Variants in TRAPPC4 observed in about 807,000 individuals in gnomAD.
The protein encoded by TRAPPC4 is trafficking protein particle complex subunit 4, also known as TRS23 homolog.
A neutral mutation model predicts 23.5 loss-of-function variants in TRAPPC4; 30 were observed. That is an observed-to-expected ratio of 1.28 (90% CI 0.96 to 1.73). The LOEUF (loss-of-function observed/expected upper bound fraction) is 1.73, where lower values mean the gene tolerates loss of function less well. TRAPPC4 is among the 40% of genes most tolerant of loss of function. The probability of loss-of-function intolerance (pLI) is 0.00; values close to 1 mark genes in which losing one functional copy is unlikely to be tolerated. For missense variants in TRAPPC4, 252 were observed against 268.9 expected (o/e 0.94, Z 0.44); for synonymous variants, 129 against 105.3 (o/e 1.23, Z -1.38).
intron 1 of TRAPPC4, 77 bp from the exon 2 acceptor site, chr11:119,019,066 G>A: frequency 1.3e-6 from 2 of 1,590,000 alleles, no homozygotes; most frequent in East Asian, 2.2e-5. Flanking sequence ...GGGGAAAAGG[G>A]GTTGTGTCGG....
At position 119,023,879 on chromosome 11, in the gene TRAPPC4, CAGT is replaced by C. The variant is rs1326554003; in HGVS notation, c.*481_*483del. 6.5e-6 allele frequency: 1 copy of C among 154,874 alleles called. No individual in the cohort carries two copies. The highest frequency in any genetic ancestry group is 1.4e-5 in the Non-Finnish European group (1 of 69,652). 9.6% of individuals were successfully genotyped at this position (154,874 alleles called of 1,614,324 possible). A position where few individuals can be genotyped will look rare whatever the true frequency, so the allele number is the denominator to read the frequency against. On this transcript the variant is annotated 3_prime_UTR_variant, in exon 5 of 5. Transcript: ENST00000533632. ...TCCTGGGGTCCTGGGGTGGTGGCAG[CAGT>C]GGTGGTGGCTGTTATGATGATGATG...
At position 119,018,789 on chromosome 11, in the gene TRAPPC4, G is replaced by A. The variant is rs781932363; in HGVS notation, c.-7G>A. ...CTGAATACCAGTTTCCGAGCGGCAA[G>A]GCAGCGATGGCGATTTTTAGTGTGT... On this transcript the variant is annotated 5_prime_UTR_variant, in exon 1 of 5. Transcript: ENST00000533632. The A allele has an allele frequency of 2.7e-5, 44 of 1,610,886 alleles. No individual in the cohort carries two copies. Among genetic ancestry groups the A allele is most frequent in the Non-Finnish European group, 3.7e-5 (44 of 1,177,502 alleles).
In TRAPPC4 at chr11:119,019,086, C is replaced by A; in HGVS notation, c.176-57C>A. The A allele has an allele frequency of 3.1e-6, 5 of 1,596,812 alleles. No homozygotes were observed. In the South Asian group the frequency reaches 5.6e-5, roughly 18 times the overall value. ...AAAGGGGTTGTGTCGGGTCCCTTGTCCCCTCGGCGGAATCCCCGGGCTGCA... is the reference window on the plus strand; with the variant it reads ...AAAGGGGTTGTGTCGGGTCCCTTGTACCCTCGGCGGAATCCCCGGGCTGCA... On this transcript the variant is annotated intron_variant, in intron 1 of 4. Coordinates refer to ENST00000533632, the MANE Select transcript of TRAPPC4 (RefSeq NM_016146.6).
intron 4 of TRAPPC4, among the ~76,000 whole-genome samples, chr11:119,022,815 C>T (rs1943405876): frequency 6.6e-6 from 1 of 151,630 alleles, no homozygotes; most frequent in Admixed American, 6.6e-5. Context: ...CAAGCAGAAT[C>T]GCTTCAATCT....
intron 4 of TRAPPC4, among the ~76,000 whole-genome samples, chr11:119,022,805 C>G (rs1440538523): frequency 7.7e-3 from 1 of 130 alleles, no homozygotes; most frequent in Non-Finnish European, 0.015. Flanking sequence ...TAGGCTGAGG[C>G]AAGCAGAATC....
intron 2 of TRAPPC4, chr11:119,019,929 C>G (rs1025850765): frequency 4.3e-6 from 2 of 461,488 alleles, no homozygotes; most frequent in Admixed American, 3.6e-5. Context: ...TTCATTTTAC[C>G]CAAAGTTTTA....
chr11:119,021,595 C>T (rs1411072021), intron 3 of TRAPPC4, 165 bp from the exon 4 acceptor site: 8 of 691,788 alleles, frequency 1.2e-5, no homozygotes, highest in Admixed American at 3.0e-5. Context: ...CTGGTCTCAT[C>T]GGTAGATTCA....
chr11:119,021,980 CTTTT>C (rs1380824082), intron 4 of TRAPPC4, 94 bp downstream of exon 4: 7 of 1,471,798 alleles, frequency 4.8e-6, no homozygotes, highest in African/African-American at 2.8e-5. Flanking sequence ...TAGAGTATTA[CTTTT>C]TTTGTTTGTT....
chr11:119,021,596 G>A (rs1254311024), intron 3 of TRAPPC4, 164 bp from the exon 4 acceptor site: 17 of 697,888 alleles, frequency 2.4e-5, no homozygotes, highest in South Asian at 2.2e-4. Context: ...TGGTCTCATC[G>A]GTAGATTCAA....
rs1434918085 is a variant in TRAPPC4, at chr11:119,021,887, G to A, written c.581+1G>A. On this transcript the variant is annotated splice_donor_variant, in intron 4 of 4. Transcript: ENST00000533632. LOFTEE classifies it high-confidence loss of function. ...TCTATTCCTTAGAAATGCCTATCAG[G>A]TAAGTGGCCCCACTTCCCAGATACT... is the stretch of plus-strand genomic sequence containing the variant. 6.2e-7 allele frequency: 1 copy of A among 1,614,072 alleles called. No individual in the cohort carries two copies. The highest frequency in any genetic ancestry group is 8.5e-7 in the Non-Finnish European group (1 of 1,179,936).
chr11:119,018,811 G>A lies in TRAPPC4; in HGVS notation c.16G>A (p.Val6Met), dbSNP rs372565482. 129 of 1,614,090 alleles carry A rather than the reference G, an allele frequency of 8.0e-5. 2 individuals are homozygous for A. In the South Asian group the frequency reaches 9.6e-4, roughly 12 times the overall value. MAIFS[V>M]YVVNKAGGLI... ...CAAGGCAGCGATGGCGATTTTTAGT[G>A]TGTATGTGGTGAACAAAGCTGGCGG... The change falls in exon 1 of 5, where the codon GTG (valine) becomes ATG (methionine). Residue 6 changes from valine to methionine, a missense_variant. By Grantham distance (21) the Val-to-Met change is conservative. Transcript: ENST00000533632.
Position 119,018,904 on chromosome 11 carries a change from G to A in TRAPPC4, c.109G>A (p.Asp37Asn), listed in dbSNP as rs1431753282. ...TGAGAAAACTTTCAGTTATCCGCTG[G>A]ATCTGCTGCTCAAGCTACACGATGA... The part of the protein sequence containing the change: ...EAEKTFSYPL[D>N]LLLKLHDERV... Residue 37 changes from aspartate to asparagine, a missense_variant, in exon 1 of 5, where the codon GAT becomes AAT. By Grantham distance (23) the Asp-to-Asn change is conservative. Transcript: ENST00000533632. 3.1e-6 allele frequency: 5 copies of A among 1,614,058 alleles called. No homozygotes were observed. The highest frequency in any genetic ancestry group is 4.2e-6 in the Non-Finnish European group (5 of 1,180,042).
intron 3 of TRAPPC4, 99 bp downstream of exon 3, chr11:119,020,352 A>T: frequency 2.2e-6 from 2 of 922,172 alleles, no homozygotes; most frequent in Non-Finnish European, 3.4e-6. Flanking sequence ...AGTGTGGTGG[A>T]GAAGGTGGGA....
chr11:119,020,289 G>T (rs1943318110), intron 3 of TRAPPC4, 36 bp downstream of exon 3: 1 of 1,535,914 alleles, frequency 6.5e-7, no homozygotes, highest in Non-Finnish European at 9.0e-7. Context: ...GAGTGTGATG[G>T]AGAAGGTGGG....
chr11:119,021,648 TA>T, intron 3 of TRAPPC4, 111 bp from the exon 4 acceptor site: 1 of 1,171,332 alleles, frequency 8.5e-7, no homozygotes, highest in Non-Finnish European at 1.2e-6. Flanking sequence ...AGAATAAAAT[TA>T]AAATAGGCTT....
Position 119,023,558 on chromosome 11 carries a change from G to A in TRAPPC4, c.*159G>A. 1.6e-6 allele frequency: 1 copy of A among 636,326 alleles called. No individual in the cohort carries two copies. The highest frequency in any genetic ancestry group is 2.8e-6 in the Non-Finnish European group (1 of 354,742). 39.4% of individuals were successfully genotyped at this position (636,326 alleles called of 1,614,324 possible). A position where few individuals can be genotyped will look rare whatever the true frequency, so the allele number is the denominator to read the frequency against. ...ACTGATTCCTGAGCCTTAACACTGT[G>A]CTCTTTCCTTCTGTATATACCATGG... On this transcript the variant is annotated 3_prime_UTR_variant, in exon 5 of 5. Transcript: ENST00000533632.
At position 119,019,218 on chromosome 11, in the gene TRAPPC4, A is replaced by G. The variant is rs1592094967; in HGVS notation, c.251A>G (p.Glu84Gly). The change falls in exon 2 of 5, where the codon GAG becomes GGG. Residue 84 changes from glutamate (E) to glycine (G), a missense_variant. Around this residue, in one of 3 missense-constraint regions of TRAPPC4, gnomAD observed 222 missense variants for 217.8 expected, o/e 1.02. Coordinates refer to ENST00000533632, the MANE Select transcript of TRAPPC4 (RefSeq NM_016146.6). ...ACGGCCGACGGGAAAGAGGTGCTGG[A>G]GTATCTGGGTAACCCTGCTAATTAC... is the stretch of plus-strand genomic sequence containing the variant. ...RYTADGKEVL[E>G]YLGNPANYPV... 6.2e-7 allele frequency: 1 copy of G among 1,614,144 alleles called. No homozygotes were observed. Among genetic ancestry groups the G allele is most frequent in the Non-Finnish European group, 8.5e-7 (1 of 1,180,018 alleles).
At chr11:119,022,964 T>TG (rs782598624) in intron 4 of TRAPPC4, 2 of 118,834 alleles carry the variant, frequency 1.7e-5, no homozygotes, top group African/African-American at 2.9e-5. Context: ...GATGTTTTTT[T>TG]TTTTTTTTTT....
intron 3 of TRAPPC4, 126 bp from the exon 4 acceptor site, chr11:119,021,633 TA>T: frequency 9.7e-7 from 1 of 1,030,210 alleles, no homozygotes; most frequent in Non-Finnish European, 1.4e-6. Context: ...CATTATGTGG[TA>T]AAAAGAATAA....
Sources: gnomAD v4.1 joint callset for allele counts (sites outside exome capture counted in the v4.1 genomes callset) on GRCh38, gnomAD v4.1.1 for gene constraint, gnomAD v4.1.1 regional missense constraint, MANE v1.5 for transcripts, NCBI Gene and HGNC (gene_info 2026-07-23, HGNC 2026-07-21) for gene names.